The following C1QTNF5 variants were observed in gnomAD, a reference collection of about 807,000 sequenced individuals.
C1QTNF5 encodes the protein C1q and TNF related 5.
Under a neutral mutation model 10.9 loss-of-function variants are expected in C1QTNF5, and 5 were observed. The observed-to-expected ratio is 0.46, with a 90% CI of 0.24 to 0.97. The LOEUF (loss-of-function observed/expected upper bound fraction) is 0.97. Ranked by LOEUF, C1QTNF5 falls within the 50% of genes least tolerant of loss-of-function variation. C1QTNF5 has a pLI of 0.19. For synonymous variants in C1QTNF5, 161 were observed against 156.5 expected (o/e 1.03, Z -0.22); for missense variants, 281 against 339.4 (o/e 0.83, Z 1.35).
At chr11:119,345,209 G>C (rs1028546031), upstream of C1QTNF5, among the ~76,000 whole-genome samples, 4 of 152,210 alleles carry the variant, frequency 2.6e-5, no homozygotes. Flanking sequence ...GGGGAGATAG[G>C]CAGGAGATCC....
upstream of C1QTNF5, chr11:119,345,864 C>T (rs377313151): frequency 1.7e-5 from 28 of 1,613,454 alleles, no homozygotes; most frequent in Admixed American, 1.5e-4. Flanking sequence ...TGGTGGTGGT[C>T]GTGGTAAGGC....
At position 119,339,780 on chromosome 11, in the gene C1QTNF5, C is replaced by A; in HGVS notation, c.283G>T (p.Ala95Ser). Residue 95 changes from alanine to serine, a missense_variant, in exon 3 of 3, where the codon GCC becomes TCC. Coordinates refer to ENST00000528368, the MANE Select transcript of C1QTNF5 (RefSeq NM_001278431.2). This position sits in a 1 kb window ranked among gnomAD's most constrained non-coding sequence, Gnocchi z 5.4. Reference sequence around the variant, plus strand: ...CGCGGAGGCACCGAGCACTCCCCGGCAGGCCCGGTGGGCCCCGCGGGTCCC... The same window carrying A: ...CGCGGAGGCACCGAGCACTCCCCGGAAGGCCCGGTGGGCCCCGCGGGTCCC... ...EAGPAGPTGP[A>S]GECSVPPRSA... 1 of 1,538,656 alleles carries A rather than the reference C, an allele frequency of 6.5e-7. No individual in the cohort carries two copies. The highest frequency in any genetic ancestry group is 8.7e-7 in the Non-Finnish European group (1 of 1,149,228).
At chr11:119,343,976 C>T (rs1208300619), upstream of C1QTNF5, 6 of 1,611,152 alleles carry the variant, frequency 3.7e-6, no homozygotes, top group Non-Finnish European at 4.2e-6. Context: ...TGGGGGAGGG[C>T]ATAGGTGGAG....
chr11:119,344,356 A>G (rs766113208), upstream of C1QTNF5: 53 of 1,613,874 alleles, frequency 3.3e-5, 1 homozygote, highest in South Asian at 4.9e-4. Context: ...GGAGTAGAGA[A>G]AGTGCCCTGG....
At chr11:119,344,572 G>A, upstream of C1QTNF5, 2 of 1,611,380 alleles carry the variant, frequency 1.2e-6, no homozygotes, top group South Asian at 1.1e-5. Context: ...CAGAGCTGGG[G>A]AGCCCAGCTT....
At chr11:119,342,803 G>A, upstream of C1QTNF5, 3 of 1,613,066 alleles carry the variant, frequency 1.9e-6, no homozygotes, top group Non-Finnish European at 2.5e-6. Flanking sequence ...CCTGACCAGG[G>A]TCCAGAGCCC....
chr11:119,342,021 C>T (rs1361299187), upstream of C1QTNF5: 2 of 1,611,568 alleles, frequency 1.2e-6, no homozygotes, highest in Admixed American at 1.7e-5. Flanking sequence ...GTGGGGACTG[C>T]TCACTGGCTC....
chr11:119,339,914 C>G lies in C1QTNF5; in HGVS notation c.215-66G>C, dbSNP rs1950483048. The G allele has an allele frequency of 3.5e-6, 5 of 1,424,264 alleles. No homozygotes were observed. Among genetic ancestry groups the G allele is most frequent in the Non-Finnish European group, 4.6e-6 (5 of 1,095,622 alleles). The allele number at this position is 1,424,264 out of a possible 1,614,324, so 88.2% of individuals were successfully genotyped here. On this transcript the variant is annotated intron_variant, in intron 2 of 2. Coordinates refer to ENST00000528368, the MANE Select transcript of C1QTNF5 (RefSeq NM_001278431.2). The surrounding 1 kb of genome is among the most constrained non-coding windows in gnomAD (Gnocchi z 5.4). ...CTCAGCCCGCAGCGGGGCGGCGACT[C>G]TAAGGTCACCGTACCCCTCCCCGCC...
upstream of C1QTNF5, chr11:119,344,829 G>A (rs1340227200): frequency 6.2e-7 from 1 of 1,613,546 alleles, no homozygotes. Context: ...AGTGGGTGGA[G>A]GGGAAGAAAG....
At position 119,339,365 on chromosome 11, in the gene C1QTNF5, T is replaced by C; in HGVS notation, c.698A>G (p.Tyr233Cys). Residue 233 changes from tyrosine to cysteine, a missense_variant, in exon 3 of 3, where the codon TAC (tyrosine) becomes TGC (cysteine). By Grantham distance (194) the Tyr-to-Cys change is radical. Transcript: ENST00000528368. This position sits in a 1 kb window ranked among gnomAD's most constrained non-coding sequence, Gnocchi z 5.4. Reference sequence around the variant, plus strand: ...GACTGGGGAGCTGTGCCAGTCGGAGTACACCAGAAATCCGGAGAAGGTGCT... The same window carrying C: ...GACTGGGGAGCTGTGCCAGTCGGAGCACACCAGAAATCCGGAGAAGGTGCT... ...TDSTFSGFLVYSDWHSSPVFA is the reference protein window; with the variant it reads ...TDSTFSGFLVCSDWHSSPVFA The C allele has an allele frequency of 6.2e-7, 1 of 1,611,884 alleles. No individual in the cohort carries two copies. Among genetic ancestry groups the C allele is most frequent in the Non-Finnish European group, 8.5e-7 (1 of 1,178,942 alleles).
upstream of C1QTNF5, chr11:119,341,635 A>G (rs1310658069): frequency 6.2e-7 from 1 of 1,612,962 alleles, no homozygotes; most frequent in Admixed American, 1.7e-5. Context: ...GTGCCAGGCC[A>G]GACTGGCACT....
rs763906758 is a variant in C1QTNF5 at position 119,339,889 on chromosome 11, C to T, written c.215-41G>A. ...GGCGGCAGGGTGAGAGTAGCGGCGG[C>T]TCAGCCCGCAGCGGGGCGGCGACTC... On this transcript the variant is annotated intron_variant, in intron 2 of 2. Coordinates refer to ENST00000528368, the MANE Select transcript of C1QTNF5 (RefSeq NM_001278431.2). This position sits in a 1 kb window ranked among gnomAD's most constrained non-coding sequence, Gnocchi z 5.4. The T allele has an allele frequency of 1.4e-5, 20 of 1,435,378 alleles. No individual in the cohort carries two copies. The highest frequency in any genetic ancestry group is 1.5e-5 in the Non-Finnish European group (17 of 1,102,160). The allele number at this position is 1,435,378 out of a possible 1,614,324, so 88.9% of individuals were successfully genotyped here.
Position 119,339,544 on chromosome 11 carries a change from T to G in C1QTNF5, c.519A>C (p.Glu173Asp). ...AAAACTGGAAGAAAGAGGCAATGGA[T>G]TCGCCATTCTTCACCAGATCAAACT... ...SLQFDLVKNG[E>D]SIASFFQFFG... The change falls in exon 3 of 3, where the codon GAA becomes GAC. Residue 173 changes from glutamate (E) to aspartate (D), a missense_variant. Glu to Asp is a conservative substitution (Grantham distance 45). Coordinates refer to ENST00000528368, the MANE Select transcript of C1QTNF5 (RefSeq NM_001278431.2). The surrounding 1 kb of genome is among the most constrained non-coding windows in gnomAD (Gnocchi z 5.4). 6.2e-7 allele frequency: 1 copy of G among 1,612,622 alleles called. No individual in the cohort carries two copies. The highest frequency in any genetic ancestry group is 8.5e-7 in the Non-Finnish European group (1 of 1,179,924).
At chr11:119,344,981 G>C (rs1950545280), upstream of C1QTNF5, 1 of 1,607,184 alleles carries the variant, frequency 6.2e-7, no homozygotes, top group Non-Finnish European at 8.5e-7. Flanking sequence ...GTTGAGCGTG[G>C]GGGGAGGCAC....
chr11:119,344,945 A>G (rs930932926), upstream of C1QTNF5: 7 of 1,610,456 alleles, frequency 4.3e-6, no homozygotes, highest in East Asian at 6.7e-5. Context: ...AGAGACGAAG[A>G]CCACCAGGAG....
chr11:119,345,459 C>A (rs141474039), upstream of C1QTNF5: 1 of 1,613,930 alleles, frequency 6.2e-7, no homozygotes, highest in Non-Finnish European at 8.5e-7. Context: ...GAGTTCCAAG[C>A]GATCAAAAAG....
At chr11:119,342,923 A>G (rs374259317), upstream of C1QTNF5, 1 of 1,612,944 alleles carries the variant, frequency 6.2e-7, no homozygotes, top group South Asian at 1.1e-5. Context: ...TCCACTGCTG[A>G]TGCCATGATC....
At chr11:119,345,014 G>A (rs1196512469), upstream of C1QTNF5, 4 of 1,600,696 alleles carry the variant, frequency 2.5e-6, no homozygotes, top group East Asian at 2.2e-5. Context: ...CCTGCAAGAA[G>A]CCAGGTTGGG....
chr11:119,341,889 C>G, upstream of C1QTNF5: 3 of 1,613,996 alleles, frequency 1.9e-6, no homozygotes, highest in Non-Finnish European at 2.5e-6. Context: ...ACCACCTCCT[C>G]CTGGGTGATC....
Sources: gnomAD v4.1 joint callset for allele counts (sites outside exome capture counted in the v4.1 genomes callset) on GRCh38, gnomAD v4.1.1 for gene constraint, Gnocchi (gnomAD v3.1) non-coding constraint, MANE v1.5 for transcripts, NCBI Gene and HGNC (gene_info 2026-07-23, HGNC 2026-07-21) for gene names.